Variants in PCLO observed in about 807,000 individuals in gnomAD.
PCLO encodes piccolo presynaptic cytomatrix protein.
Under a neutral mutation model 427.5 loss-of-function variants are expected in PCLO, and 82 were observed. The ratio of observed to expected loss-of-function variants is 0.19; its 90% CI spans 0.16 to 0.23. The LOEUF is 0.23. Among genes scored for constraint, PCLO ranks in the 10% least tolerant of loss-of-function variants. The probability of loss-of-function intolerance (pLI) is 1.00; values close to 1 mark genes in which losing one functional copy is unlikely to be tolerated. For missense variants in PCLO, 6,239 were observed against 6,115.9 expected (o/e 1.02, Z -0.67); for synonymous variants, 2,357 against 2,155.4 (o/e 1.09, Z -2.59).
intron 9 of PCLO, among the ~76,000 whole-genome samples, chr7:82,892,507 A>T (rs537139173): frequency 2.0e-5 from 3 of 152,260 alleles, no homozygotes; most frequent in South Asian, 4.1e-4. Flanking sequence ...CATTCAGGAC[A>T]TAGGCATGGG....
chr7:82,860,765 A>T (rs1295669564), intron 10 of PCLO, among the ~76,000 whole-genome samples: 2 of 152,112 alleles, frequency 1.3e-5, no homozygotes, highest in African/African-American at 4.8e-5. Flanking sequence ...TTTTCAAGAC[A>T]TAGCATAATA....
chr7:83,146,632 C>T (rs1471930837), intron 2 of PCLO, among the ~76,000 whole-genome samples: 2 of 149,986 alleles, frequency 1.3e-5, no homozygotes, highest in East Asian at 1.9e-4. Flanking sequence ...GTTTCACTCT[C>T]GTCACCCAGG....
At chr7:82,917,179 T>C (rs777520893) in intron 6 of PCLO, among the ~76,000 whole-genome samples, 11 of 152,102 alleles carry the variant, frequency 7.2e-5, no homozygotes, top group African/African-American at 9.7e-5. Flanking sequence ...TTATTAACCA[T>C]CTAAAATTTA....
At chr7:83,054,288 A>G (rs1789324090) in intron 3 of PCLO, among the ~76,000 whole-genome samples, 1 of 152,072 alleles carries the variant, frequency 6.6e-6, no homozygotes, top group African/African-American at 2.4e-5. Context: ...CTTCTATGCA[A>G]TACACAGACA....
At chr7:83,148,402 T>G (rs996891782) in intron 2 of PCLO, among the ~76,000 whole-genome samples, 1 of 152,186 alleles carries the variant, frequency 6.6e-6, no homozygotes, top group Non-Finnish European at 1.5e-5. Flanking sequence ...TATTTATGAC[T>G]CTTAATAGAA....
intron 22 of PCLO, among the ~76,000 whole-genome samples, chr7:82,787,953 T>C (rs1366110049): frequency 6.6e-6 from 1 of 152,002 alleles, no homozygotes; most frequent in Non-Finnish European, 1.5e-5. Flanking sequence ...TGTTGAGAAA[T>C]AGTTCCTGTT....
At chr7:82,855,089 C>CA (rs1792767225) in intron 10 of PCLO, among the ~76,000 whole-genome samples, 1 of 151,868 alleles carries the variant, frequency 6.6e-6, no homozygotes, top group Middle Eastern at 3.2e-3. Flanking sequence ...GCTCCAATCA[C>CA]AAAAAAGTAT....
chr7:82,815,807 T>G (rs1396535485), intron 20 of PCLO, among the ~76,000 whole-genome samples: 3 of 152,086 alleles, frequency 2.0e-5, no homozygotes, highest in Non-Finnish European at 4.4e-5. Context: ...CCATTACTTT[T>G]TGCACCAACC....
intron 2 of PCLO, among the ~76,000 whole-genome samples, chr7:83,142,740 C>A (rs911444536): frequency 6.6e-6 from 1 of 152,138 alleles, no homozygotes; most frequent in Non-Finnish European, 1.5e-5. Flanking sequence ...AGGCGGATCA[C>A]CTGAGGTCAG....
intron 2 of PCLO, among the ~76,000 whole-genome samples, chr7:83,151,319 T>C (rs1317179689): frequency 6.6e-6 from 1 of 152,230 alleles, no homozygotes; most frequent in African/African-American, 2.4e-5. Context: ...TAAAAAAGAA[T>C]GTACAATAAA....
chr7:83,141,227 T>C (rs982746447), intron 2 of PCLO, among the ~76,000 whole-genome samples: 1 of 152,132 alleles, frequency 6.6e-6, no homozygotes, highest in Non-Finnish European at 1.5e-5. Flanking sequence ...ACGATATCAA[T>C]GTGTCCTGAA....
intron 22 of PCLO, among the ~76,000 whole-genome samples, chr7:82,783,239 AGTTT>A (rs1213761609): frequency 2.0e-5 from 3 of 152,274 alleles, no homozygotes; most frequent in African/African-American, 7.2e-5. Flanking sequence ...TTTGGTTTTG[AGTTT>A]GTTTGTGTAG....
chr7:82,812,553 T>C (rs1373928982), intron 20 of PCLO, among the ~76,000 whole-genome samples: 1 of 151,532 alleles, frequency 6.6e-6, no homozygotes, highest in Non-Finnish European at 1.5e-5. Flanking sequence ...TAAGACATTA[T>C]CATAGATGAA....
intron 8 of PCLO, among the ~76,000 whole-genome samples, chr7:82,903,311 A>G (rs982157555): frequency 6.6e-6 from 1 of 152,072 alleles, no homozygotes; most frequent in African/African-American, 2.4e-5. Flanking sequence ...GCAGAGACTA[A>G]TTCTATATAA....
chr7:82,787,552 A>G (rs1409833021), intron 22 of PCLO, among the ~76,000 whole-genome samples: 2 of 152,170 alleles, frequency 1.3e-5, no homozygotes, highest in Non-Finnish European at 2.9e-5. Flanking sequence ...AACTATGAAC[A>G]AGAAAATGAT....
At chr7:82,820,512 C>T (rs1351565087) in intron 20 of PCLO, 3 of 1,220,322 alleles carry the variant, frequency 2.5e-6, no homozygotes, top group Non-Finnish European at 3.1e-6. Flanking sequence ...ATTTATTACA[C>T]AGGCACTTGG....
chr7:83,010,428 G>A (rs1176975776), intron 3 of PCLO, among the ~76,000 whole-genome samples: 1 of 151,574 alleles, frequency 6.6e-6, no homozygotes, highest in Non-Finnish European at 1.5e-5. Flanking sequence ...AATCCATCTA[G>A]TTGACATCCA....
chr7:82,887,164 C>T (rs970040422), intron 9 of PCLO, among the ~76,000 whole-genome samples: 3 of 152,040 alleles, frequency 2.0e-5, no homozygotes, highest in Admixed American at 1.3e-4. Flanking sequence ...CTATTCATAC[C>T]ATTTTTACAA....
At chr7:82,981,125 A>G (rs1353051931) in intron 3 of PCLO, among the ~76,000 whole-genome samples, 1 of 152,062 alleles carries the variant, frequency 6.6e-6, no homozygotes. Flanking sequence ...CATAATAAAT[A>G]GTTGTGTTAA....
Sources: gnomAD v4.1 joint callset for allele counts (sites outside exome capture counted in the v4.1 genomes callset) on GRCh38, gnomAD v4.1.1 for gene constraint, MANE v1.5 for transcripts, NCBI Gene and HGNC (gene_info 2026-07-23, HGNC 2026-07-21) for gene names.